LRP1B: variants seen among roughly 807,000 people sequenced by gnomAD.
The protein encoded by LRP1B is LDL receptor related protein 1B, also known as low-density lipoprotein receptor-related protein 1B.
Under a neutral mutation model 556.6 loss-of-function variants are expected in LRP1B, and 217 were observed. The observed-to-expected ratio is 0.39, with a 90% confidence interval of 0.35 to 0.44. The LOEUF (loss-of-function observed/expected upper bound fraction) is 0.44, where lower values mean the gene tolerates loss of function less well. Among genes scored for constraint, LRP1B ranks in the 20% least tolerant of loss-of-function variants. The probability of loss-of-function intolerance (pLI) is 1.00; values close to 1 mark genes in which losing one functional copy is unlikely to be tolerated. For missense variants in LRP1B, 5,053 were observed against 5,620.8 expected, an observed-to-expected ratio of 0.90 and a Z score of 3.23; for synonymous variants, 2,047 against 1,865.8, an observed-to-expected ratio of 1.10 and a Z score of -2.50.
At chr2:140,888,358 A>G (rs1343893486) in intron 23 of LRP1B, among the ~76,000 whole-genome samples, 1 of 152,050 alleles carries the variant, frequency 6.6e-6, no homozygotes, top group Non-Finnish European at 1.5e-5. Flanking sequence ...AATTAACTCA[A>G]ATTTGAAAAT....
At chr2:140,307,021 T>A (rs1307835813) in intron 83 of LRP1B, among the ~76,000 whole-genome samples, 1 of 151,946 alleles carries the variant, frequency 6.6e-6, no homozygotes, top group Non-Finnish European at 1.5e-5. Context: ...TCTCATAGAG[T>A]TTTTTAAATT....
At chr2:141,046,416 A>T (rs1391996519) in intron 11 of LRP1B, among the ~76,000 whole-genome samples, 1 of 152,166 alleles carries the variant, frequency 6.6e-6, no homozygotes, top group African/African-American at 2.4e-5. Flanking sequence ...CTGCTTTGAC[A>T]CGTTAATCTC....
At chr2:140,790,822 C>T (rs912244174) in intron 32 of LRP1B, among the ~76,000 whole-genome samples, 2 of 152,108 alleles carry the variant, frequency 1.3e-5, no homozygotes, top group African/African-American at 4.8e-5. Context: ...AAAGATTGGG[C>T]CAAGGCAATG....
intron 2 of LRP1B, among the ~76,000 whole-genome samples, chr2:141,575,085 C>T (rs1215785466): frequency 2.0e-5 from 3 of 151,860 alleles, no homozygotes; most frequent in Admixed American, 1.3e-4. Flanking sequence ...TGACATTCTT[C>T]ACAGAATTTG....
intron 1 of LRP1B, among the ~76,000 whole-genome samples, chr2:141,915,135 T>C (rs149334143): frequency 1.4e-4 from 21 of 152,266 alleles, no homozygotes; most frequent in African/African-American, 5.1e-4. Context: ...CAGCATGGAC[T>C]GGTACAAAAA....
chr2:140,661,254 G>C (rs953286674), intron 41 of LRP1B, among the ~76,000 whole-genome samples: 2 of 152,054 alleles, frequency 1.3e-5, no homozygotes, highest in African/African-American at 4.8e-5. Context: ...AAAATGAAAA[G>C]CAGATAGGCC....
At chr2:141,118,257 A>G (rs1700955744) in intron 7 of LRP1B, among the ~76,000 whole-genome samples, 1 of 151,966 alleles carries the variant, frequency 6.6e-6, no homozygotes, top group Non-Finnish European at 1.5e-5. Context: ...AACAGCAGAA[A>G]CAAAAACTCT....
At chr2:141,222,149 G>C (rs1683073249) in intron 6 of LRP1B, among the ~76,000 whole-genome samples, 2 of 151,728 alleles carry the variant, frequency 1.3e-5, no homozygotes. Flanking sequence ...TAGCTAACTA[G>C]ACTAATAAGG....
chr2:140,633,844 G>C (rs1047806636), intron 41 of LRP1B, among the ~76,000 whole-genome samples: 3 of 152,148 alleles, frequency 2.0e-5, no homozygotes, highest in African/African-American at 4.8e-5. Flanking sequence ...GATCCAAGGA[G>C]TATCACTGGT....
intron 32 of LRP1B, among the ~76,000 whole-genome samples, chr2:140,790,734 C>G (rs1690086477): frequency 6.6e-6 from 1 of 152,108 alleles, no homozygotes; most frequent in Non-Finnish European, 1.5e-5. Context: ...AGATTGTAAA[C>G]AATGGGAAGA....
intron 10 of LRP1B, among the ~76,000 whole-genome samples, chr2:141,052,838 A>G (rs1486503770): frequency 6.6e-6 from 1 of 151,774 alleles, no homozygotes; most frequent in Non-Finnish European, 1.5e-5. Context: ...AGGTTTTGCA[A>G]TGTTGCCCAG....
chr2:141,303,770 T>A (rs566951801), intron 3 of LRP1B, among the ~76,000 whole-genome samples: 1 of 152,154 alleles, frequency 6.6e-6, no homozygotes, highest in Non-Finnish European at 1.5e-5. Flanking sequence ...TTCTTTTCCT[T>A]TGGATAACCA....
intron 2 of LRP1B, among the ~76,000 whole-genome samples, chr2:141,808,714 T>C (rs1696240828): frequency 6.6e-6 from 1 of 152,076 alleles, no homozygotes; most frequent in Admixed American, 6.6e-5. Flanking sequence ...AAAGACCGTA[T>C]ATTCAATAAC....
intron 3 of LRP1B, among the ~76,000 whole-genome samples, chr2:141,338,337 C>T (rs980757801): frequency 1.3e-5 from 2 of 152,108 alleles, no homozygotes; most frequent in African/African-American, 4.8e-5. Context: ...GAGATTTCTG[C>T]CCTTTGAGAC....
chr2:141,259,920 T>C (rs1174467360), intron 3 of LRP1B, among the ~76,000 whole-genome samples: 1 of 152,222 alleles, frequency 6.6e-6, no homozygotes. Context: ...GTTTATCATT[T>C]AAGCTGAATC....
At chr2:140,820,888 C>A (rs1006983034) in intron 31 of LRP1B, among the ~76,000 whole-genome samples, 1 of 148,480 alleles carries the variant, frequency 6.7e-6, no homozygotes, top group Non-Finnish European at 1.5e-5. Flanking sequence ...CTAAGGAAAG[C>A]CCCTCCTCTT....
chr2:140,799,045 T>C (rs1225147208), intron 32 of LRP1B, among the ~76,000 whole-genome samples: 2 of 152,218 alleles, frequency 1.3e-5, no homozygotes, highest in Admixed American at 6.5e-5. Flanking sequence ...ATATAATTAA[T>C]TTATACATAT....
chr2:140,304,786 T>C (rs1280097765), intron 83 of LRP1B, among the ~76,000 whole-genome samples: 2 of 152,180 alleles, frequency 1.3e-5, no homozygotes, highest in Non-Finnish European at 2.9e-5. Context: ...TTTATGGTTT[T>C]AGGTCTAACG....
intron 47 of LRP1B, among the ~76,000 whole-genome samples, chr2:140,527,749 T>A (rs894437470): frequency 6.6e-6 from 1 of 151,950 alleles, no homozygotes; most frequent in South Asian, 2.1e-4. Context: ...CATTTCATAT[T>A]CAATTTTTTT....
Sources: allele counts gnomAD v4.1 joint callset (sites outside exome capture counted in the v4.1 genomes callset), GRCh38; gene constraint gnomAD v4.1.1; transcripts MANE v1.5; gene names NCBI Gene and HGNC (gene_info 2026-07-23, HGNC 2026-07-21).